The following LRRC37A2 variants were observed in gnomAD, a reference collection of about 807,000 sequenced individuals.
LRRC37A2 encodes leucine-rich repeat-containing protein 37A2.
In LRRC37A2, 9 loss-of-function variants were observed where a neutral mutation model predicts 68.8. The observed-to-expected ratio is 0.13, with a 90% CI of 0.08 to 0.23. The LOEUF is 0.23. Among genes scored for constraint, LRRC37A2 ranks in the 10% least tolerant of loss-of-function variants. LRRC37A2 has a pLI of 1.00. For missense variants in LRRC37A2, 168 were observed against 950.4 expected, an observed-to-expected ratio of 0.18 and a Z score of 10.82; for synonymous variants, 63 against 367.6, an observed-to-expected ratio of 0.17 and a Z score of 9.48.
chr17:46,721,985 A>G, the LRRC37A2 span: 3 of 1,606,352 alleles, frequency 1.9e-6, no homozygotes, highest in East Asian at 4.5e-5. Context: ...AACAAAGATT[A>G]TGATAGCTTT....
chr17:46,495,036 A>G, the LRRC37A2 span, among the ~76,000 whole-genome samples: 865 of 148,346 alleles, frequency 5.8e-3, 32 homozygotes, highest in African/African-American at 0.021. Flanking sequence ...CAACTTCTTA[A>G]TCTCTCATAT....
the LRRC37A2 span, among the ~76,000 whole-genome samples, chr17:46,494,490 G>A: frequency 0.55 from 75,669 of 138,022 alleles, 18,023 homozygotes; most frequent in South Asian, 0.7. Flanking sequence ...GAATGATAAT[G>A]GCTGTTCCAA....
the LRRC37A2 span, among the ~76,000 whole-genome samples, chr17:46,631,268 A>G: frequency 1.5e-5 from 2 of 134,904 alleles, no homozygotes; most frequent in Non-Finnish European, 1.5e-5. Flanking sequence ...GCTCACTGCA[A>G]CCTCTGCCTC....
chr17:47,033,434 A>G, the LRRC37A2 span: 1 of 691,112 alleles, frequency 1.4e-6, no homozygotes, highest in Non-Finnish European at 2.6e-6. Context: ...TACATCGCGC[A>G]TATTGGGTGA....
chr17:47,035,249 A>C, the LRRC37A2 span: 1 of 152,232 alleles, frequency 6.6e-6, no homozygotes, highest in Non-Finnish European at 1.5e-5. Context: ...ATAGCAAACA[A>C]TCACCATTAT....
the LRRC37A2 span, among the ~76,000 whole-genome samples, chr17:46,958,094 G>A: frequency 1.3e-5 from 2 of 152,172 alleles, no homozygotes; most frequent in Non-Finnish European, 2.9e-5. Context: ...TGGAGAGTGG[G>A]TCTCCTCTCC....
At chr17:46,847,128 A>G in the LRRC37A2 span, among the ~76,000 whole-genome samples, 1 of 152,202 alleles carries the variant, frequency 6.6e-6, no homozygotes, top group Non-Finnish European at 1.5e-5. Context: ...TTCTTACCCC[A>G]CACTCCCAAC....
chr17:46,470,923 GA>G, the LRRC37A2 span, among the ~76,000 whole-genome samples: 1 of 27,718 alleles, frequency 3.6e-5, no homozygotes, highest in African/African-American at 1.3e-4. Context: ...AGATAGTTAT[GA>G]AAAAGAAGAA....
chr17:46,931,461 C>T, the LRRC37A2 span: 21 of 536,786 alleles, frequency 3.9e-5, no homozygotes, highest in South Asian at 9.1e-5. Flanking sequence ...ATTTTGCCTC[C>T]AGTTCTGTTT....
chr17:46,799,926 C>T, the LRRC37A2 span, among the ~76,000 whole-genome samples: 2 of 152,146 alleles, frequency 1.3e-5, no homozygotes, highest in African/African-American at 4.8e-5. Context: ...GTCACAGAGC[C>T]TACCCTCTTT....
chr17:46,754,583 A>G, the LRRC37A2 span, among the ~76,000 whole-genome samples: 3 of 152,370 alleles, frequency 2.0e-5, 1 homozygote, highest in Non-Finnish European at 2.9e-5. Flanking sequence ...CTGTGGGCCT[A>G]CGAGAATAAA....
the LRRC37A2 span, among the ~76,000 whole-genome samples, chr17:46,825,954 C>T: frequency 2.5e-3 from 388 of 152,324 alleles, 8 homozygotes; most frequent in South Asian, 0.032. Flanking sequence ...ATCCAGGAGG[C>T]GGAGGTTGCG....
the LRRC37A2 span, chr17:46,931,000 T>C: frequency 5.4e-6 from 4 of 739,780 alleles, no homozygotes; most frequent in South Asian, 3.0e-5. Context: ...TATGTAGTTC[T>C]AGTTTATTGG....
chr17:46,768,846 G>A, the LRRC37A2 span: 15 of 1,598,112 alleles, frequency 9.4e-6, no homozygotes, highest in South Asian at 1.1e-5. The surrounding 1 kb of genome is among the most constrained non-coding windows in gnomAD (Gnocchi z 5.0). Flanking sequence ...CCCCACGAGG[G>A]GGCACATCCA....
the LRRC37A2 span, among the ~76,000 whole-genome samples, chr17:46,914,475 C>T: frequency 6.6e-6 from 1 of 151,680 alleles, no homozygotes; most frequent in Non-Finnish European, 1.5e-5. Flanking sequence ...ATGGTGCAAC[C>T]CTGTCTCTAC....
At chr17:46,748,932 T>G in the LRRC37A2 span, among the ~76,000 whole-genome samples, 1 of 152,128 alleles carries the variant, frequency 6.6e-6, no homozygotes, top group African/African-American at 2.4e-5. Flanking sequence ...TAATAAATAC[T>G]GAATATAGAT....
chr17:46,534,521 C>T (rs370120827), intron 6 of LRRC37A2, among the ~76,000 whole-genome samples: 1 of 148,166 alleles, frequency 6.7e-6, no homozygotes, highest in Non-Finnish European at 1.5e-5. Flanking sequence ...GGGGTAAGGT[C>T]ATAGATCAAC....
chr17:46,833,062 C>T, the LRRC37A2 span: 1 of 348,342 alleles, frequency 2.9e-6, no homozygotes, highest in Non-Finnish European at 5.7e-6. Flanking sequence ...CTGCTGTGTC[C>T]CTGAAGAGTC....
the LRRC37A2 span, among the ~76,000 whole-genome samples, chr17:46,759,883 C>T: frequency 1.1e-4 from 17 of 152,270 alleles, no homozygotes; most frequent in Non-Finnish European, 7.3e-5. Context: ...TTTTAAACAA[C>T]GTCCTCTTGT....
Sources: gnomAD v4.1 joint callset for allele counts (sites outside exome capture counted in the v4.1 genomes callset) on GRCh38, gnomAD v4.1.1 for gene constraint, Gnocchi (gnomAD v3.1) non-coding constraint, MANE v1.5 for transcripts, NCBI Gene and HGNC (gene_info 2026-07-23, HGNC 2026-07-21) for gene names.